Variants in CAB39 observed in about 807,000 individuals in gnomAD.
The protein encoded by CAB39 is calcium binding protein 39, also known as calcium-binding protein 39.
Under a neutral mutation model 40.0 loss-of-function variants are expected in CAB39, and 8 were observed. The observed-to-expected ratio is 0.20, with a 90% CI of 0.12 to 0.36. The LOEUF is 0.36. Ranked by LOEUF, CAB39 falls within the 10% of genes least tolerant of loss-of-function variation. CAB39 has a pLI of 1.00. For synonymous variants in CAB39, 156 were observed against 141.6 expected, an observed-to-expected ratio of 1.10 and a Z score of -0.72; for missense variants, 270 against 401.1, an observed-to-expected ratio of 0.67 and a Z score of 2.79.
At chr2:230,773,933 T>G (rs1451203216) in intron 2 of CAB39, among the ~76,000 whole-genome samples, 1 of 152,112 alleles carries the variant, frequency 6.6e-6, no homozygotes, top group Admixed American at 6.6e-5. Flanking sequence ...AGGTGACCAC[T>G]TAGTTAAGTA....
chr2:230,796,202 T>G lies in CAB39; in HGVS notation c.399-2527T>G, dbSNP rs1695983672. ...CATTTTAAGATTTTTGTACTTTTGT[T>G]AATTAATTTAGACTGCTTCCATACA... On this transcript the variant is annotated intron_variant, in intron 4 of 8. Coordinates refer to ENST00000258418, the MANE Select transcript of CAB39 (RefSeq NM_016289.4). Among the ~76,000 whole-genome samples, 3 of 152,356 alleles carry G rather than the reference T, an allele frequency of 2.0e-5. No homozygotes were observed. The South Asian group carries it at 6.2e-4, about 32-fold the overall frequency.
intron 3 of CAB39, among the ~76,000 whole-genome samples, chr2:230,791,447 T>G (rs890470904): frequency 1.3e-5 from 2 of 152,212 alleles, no homozygotes; most frequent in Non-Finnish European, 2.9e-5. Context: ...GAACATCCAG[T>G]TATGTCTTCG....
At chr2:230,768,428 AG>A (rs994263705) in intron 2 of CAB39, among the ~76,000 whole-genome samples, 1 of 152,224 alleles carries the variant, frequency 6.6e-6, no homozygotes, top group Admixed American at 6.5e-5. Context: ...AAGGGTGATC[AG>A]GGGACATTTT....
chr2:230,794,339 C>T (rs1212277115), intron 4 of CAB39, among the ~76,000 whole-genome samples: 1 of 152,058 alleles, frequency 6.6e-6, no homozygotes. Context: ...CTTTTGGCAT[C>T]TAATTTTGTG....
At chr2:230,725,422 G>A (rs950534156) in intron 1 of CAB39, 85 of 1,577,830 alleles carry the variant, frequency 5.4e-5, no homozygotes, top group African/African-American at 2.3e-4. Context: ...GGCTTAATCC[G>A]CAACTTCAGT....
intron 5 of CAB39, among the ~76,000 whole-genome samples, chr2:230,802,623 TA>T (rs1339233130): frequency 2.6e-5 from 4 of 152,098 alleles, no homozygotes; most frequent in Admixed American, 2.6e-4. Flanking sequence ...GAGAATACCA[TA>T]AACACCTCTA....
rs74857648 is a variant in CAB39 at position 230,772,412 on chromosome 2, G to A, written c.114+12297G>A. On this transcript the variant is annotated intron_variant, in intron 2 of 8. Coordinates refer to ENST00000258418, the MANE Select transcript of CAB39 (RefSeq NM_016289.4). ...AAAATATTGACTATACCAAATGTTG[G>A]CAAGGATACAGAGCAGCTGGAACTG... Among the ~76,000 whole-genome samples, 1,405 of 152,080 alleles carry A rather than the reference G, an allele frequency of 9.2e-3. 11 individuals are homozygous for A. Among genetic ancestry groups the A allele is most frequent in the African/African-American group, 0.027 (1,112 of 41,494 alleles).
In CAB39 at chr2:230,748,853, T is replaced by A. The variant is rs1172242284; in HGVS notation, c.-43-11106T>A. Among the ~76,000 whole-genome samples, 46 of 112,368 alleles carry A rather than the reference T, an allele frequency of 4.1e-4. 2 individuals are homozygous for A. Among genetic ancestry groups the A allele is most frequent in the South Asian group, 1.4e-3 (5 of 3,516 alleles). The allele number at this position is 112,368 out of a possible 152,430, so 73.7% of individuals were successfully genotyped here. A position where few individuals can be genotyped will look rare whatever the true frequency, so the allele number is the denominator to read the frequency against. ...AAAAATATATATATATATATATATA[T>A]ATATATATATATATAACAAAATGGT... On this transcript the variant is annotated intron_variant, in intron 1 of 8. Transcript: ENST00000258418.
At chr2:230,762,474 A>C (rs1444784591) in intron 2 of CAB39, among the ~76,000 whole-genome samples, 1 of 152,206 alleles carries the variant, frequency 6.6e-6, no homozygotes, top group Non-Finnish European at 1.5e-5. Flanking sequence ...CACCAGGTGG[A>C]GGCAGCTAAC....
At chr2:230,758,747 C>A (rs891680844) in intron 1 of CAB39, among the ~76,000 whole-genome samples, 1 of 151,952 alleles carries the variant, frequency 6.6e-6, no homozygotes, top group Non-Finnish European at 1.5e-5. Context: ...GTGGGGAGCA[C>A]CTTGGGCAGT....
rs1306169295 is a variant in CAB39 at position 230,820,027 on chromosome 2, T to C, written c.*1323T>C. On this transcript the variant is annotated 3_prime_UTR_variant, in exon 9 of 9. Coordinates refer to ENST00000258418, the MANE Select transcript of CAB39 (RefSeq NM_016289.4). ...TTTTTTTTAATGTCCTGTTCCTTAA[T>C]GCTGCAAATTATCAGTATTTATAAA... 6.5e-6 allele frequency: 1 copy of C among 152,708 alleles called. No individual in the cohort carries two copies. Among genetic ancestry groups the C allele is most frequent in the African/African-American group, 2.4e-5 (1 of 41,474 alleles). The allele number at this position is 152,708 out of a possible 1,614,324, so 9.5% of individuals were successfully genotyped here.
chr2:230,773,314 ATG>A (rs71052549), intron 2 of CAB39, among the ~76,000 whole-genome samples: 5,813 of 132,586 alleles, frequency 0.044, 145 homozygotes, highest in Non-Finnish European at 0.055. Flanking sequence ...ATATATATAT[ATG>A]TGTGTGTGTG....
intron 2 of CAB39, among the ~76,000 whole-genome samples, chr2:230,780,562 G>C (rs571536884): frequency 2.0e-5 from 3 of 152,244 alleles, no homozygotes; most frequent in African/African-American, 7.2e-5. Context: ...AGAAATACTA[G>C]TCAGCTATTT....
At chr2:230,815,290 C>T (rs560097264) in intron 7 of CAB39, among the ~76,000 whole-genome samples, 1 of 152,312 alleles carries the variant, frequency 6.6e-6, no homozygotes, top group South Asian at 2.1e-4. Flanking sequence ...ATTGCTGTTG[C>T]TTGGGCCCCA....
intron 1 of CAB39, among the ~76,000 whole-genome samples, chr2:230,727,205 C>T (rs1210933461): frequency 6.7e-6 from 1 of 149,852 alleles, no homozygotes; most frequent in Non-Finnish European, 1.5e-5. Context: ...AGATTGTTAA[C>T]CATATTTAAT....
rs1696487463 is a variant in CAB39 at position 230,820,324 on chromosome 2, G to A, written c.*1620G>A. ...GGGCCTCCCAATTGCTGTTTCAGCA[G>A]GTTTTAAACCTTCAGGAACACCAGT... On this transcript the variant is annotated 3_prime_UTR_variant, in exon 9 of 9. Coordinates refer to ENST00000258418, the MANE Select transcript of CAB39 (RefSeq NM_016289.4). The A allele has an allele frequency of 6.6e-6, 1 of 152,146 alleles. No individual in the cohort carries two copies. Among genetic ancestry groups the A allele is most frequent in the Admixed American group, 6.5e-5 (1 of 15,284 alleles). 9.4% of individuals were successfully genotyped at this position (152,146 alleles called of 1,614,324 possible).
intron 1 of CAB39, among the ~76,000 whole-genome samples, chr2:230,752,489 A>G (rs1006969927): frequency 3.3e-5 from 5 of 152,198 alleles, no homozygotes; most frequent in Admixed American, 1.3e-4. Flanking sequence ...CAAAATAGGG[A>G]CAAATGCCAT....
intron 2 of CAB39, among the ~76,000 whole-genome samples, chr2:230,773,314 A>ATATATATATATGTGTGTG (rs371297550): frequency 7.5e-6 from 1 of 132,680 alleles, no homozygotes; most frequent in Admixed American, 7.6e-5. Flanking sequence ...ATATATATAT[A>ATATATATATATGTGTGTG]TGTGTGTGTG....
chr2:230,762,070 G>A (rs547117556), intron 2 of CAB39, among the ~76,000 whole-genome samples: 2 of 152,158 alleles, frequency 1.3e-5, no homozygotes, highest in South Asian at 4.2e-4. Context: ...ACCATGTCCG[G>A]CTAATTTTTG....
Sources: allele counts gnomAD v4.1 joint callset (sites outside exome capture counted in the v4.1 genomes callset), GRCh38; gene constraint gnomAD v4.1.1; transcripts MANE v1.5; gene names NCBI Gene and HGNC (gene_info 2026-07-23, HGNC 2026-07-21).